The following SFTPC variants were observed in gnomAD, a reference collection of about 807,000 sequenced individuals.
SFTPC encodes BRICHOS domain containing 6.
A neutral mutation model predicts 19.9 loss-of-function variants in SFTPC; 12 were observed. That is an observed-to-expected ratio of 0.60 (90% CI 0.39 to 0.98). SFTPC has a LOEUF of 0.98. Ranked by LOEUF, SFTPC falls within the 50% of genes least tolerant of loss-of-function variation. SFTPC has a pLI of 0.00. For missense variants in SFTPC, 219 were observed against 252.2 expected, an observed-to-expected ratio of 0.87 and a Z score of 0.89; for synonymous variants, 123 against 103.3, an observed-to-expected ratio of 1.19 and a Z score of -1.16.
chr8:22,164,433 G>A lies in SFTPC; in HGVS notation c.*186G>A, dbSNP rs892113541. ...GGGCAGAGGTGGCGCCCAGGGGCCCGGGAACTCCTGCCACAACAGAATAAA... is the reference window on the plus strand; with the variant it reads ...GGGCAGAGGTGGCGCCCAGGGGCCCAGGAACTCCTGCCACAACAGAATAAA... On this transcript the variant is annotated 3_prime_UTR_variant, in exon 6 of 6. Coordinates refer to ENST00000679463, the MANE Select transcript of SFTPC (RefSeq NM_001317778.2). 13 of 1,488,892 alleles carry A rather than the reference G, an allele frequency of 8.7e-6. No individual in the cohort carries two copies. The highest frequency in any genetic ancestry group is 1.8e-4 in the Middle Eastern group (1 of 5,452). 92.2% of individuals were successfully genotyped at this position (1,488,892 alleles called of 1,614,324 possible). A position where few individuals can be genotyped will look rare whatever the true frequency, so the allele number is the denominator to read the frequency against.
At chr8:22,159,566 A>G (rs1028639669), upstream of SFTPC, 14 of 374,244 alleles carry the variant, frequency 3.7e-5, no homozygotes, top group Middle Eastern at 4.1e-4. Flanking sequence ...GTTTAAAAAA[A>G]GAAGGAGAAG....
upstream of SFTPC, chr8:22,159,791 C>G (rs781531188): frequency 7.8e-7 from 1 of 1,289,554 alleles, no homozygotes; most frequent in Non-Finnish European, 1.0e-6. Context: ...ACAGGGACCC[C>G]GAGATGCCTG....
intron 1 of SFTPC, 25 bp from the exon 2 acceptor site, chr8:22,162,549 C>G: frequency 6.2e-7 from 1 of 1,612,820 alleles, no homozygotes; most frequent in Non-Finnish European, 8.5e-7. Flanking sequence ...TCATGCCTGT[C>G]TCCTTGCCTG....
In SFTPC at chr8:22,162,688, G is replaced by A. The variant is rs200039720; in HGVS notation, c.157G>A (p.Ala53Thr). The change falls in exon 2 of 6, where the codon GCC becomes ACC. Residue 53 changes from alanine to threonine, a missense_variant. Coordinates refer to ENST00000679463, the MANE Select transcript of SFTPC (RefSeq NM_001317778.2). ...CCTCATCGTCGTGGTGATTGTGGGAGCCCTGCTCATGGGTCTCCACATGAG... is the reference window on the plus strand; with the variant it reads ...CCTCATCGTCGTGGTGATTGTGGGAACCCTGCTCATGGGTCTCCACATGAG... ...VVLIVVVIVG[A>T]LLMGLHMSQK... The A allele has an allele frequency of 1.4e-4, 231 of 1,614,108 alleles. No homozygotes were observed. Among genetic ancestry groups the A allele is most frequent in the Non-Finnish European group, 1.8e-4 (212 of 1,180,048 alleles).
intron 5 of SFTPC, 81 bp from the exon 6 acceptor site, chr8:22,164,185 G>A: frequency 6.5e-7 from 1 of 1,536,500 alleles, no homozygotes; most frequent in Non-Finnish European, 8.7e-7. Context: ...CAGGCAACTC[G>A]GGGGAGGGGA....
chr8:22,163,397 G>C, intron 3 of SFTPC, 39 bp from the exon 4 acceptor site: 10 of 1,574,490 alleles, frequency 6.4e-6, no homozygotes, highest in Non-Finnish European at 8.7e-6. Flanking sequence ...AGAGAGCAGG[G>C]CAGGGACCCC....
At chr8:22,161,514 A>T, upstream of SFTPC, 1 of 524,474 alleles carries the variant, frequency 1.9e-6, no homozygotes, top group Non-Finnish European at 3.3e-6. Context: ...CAAGGAAGGC[A>T]GGCACGCCAG....
At position 22,163,254 on chromosome 8, in the gene SFTPC, G is replaced by A. The variant is rs931945208; in HGVS notation, c.324+52G>A. The A allele has an allele frequency of 1.9e-6, 3 of 1,613,158 alleles. No individual in the cohort carries two copies. The African/African-American group carries it at 4.0e-5, about 22-fold the overall frequency. On this transcript the variant is annotated intron_variant, in intron 3 of 5. Transcript: ENST00000679463. ...TGGGACCAATGACAAGGCTCTGCTA[G>A]AGCCACCCAGCTGGGCCACTTCATC...
chr8:22,160,304 G>A (rs1412037518), upstream of SFTPC, among the ~76,000 whole-genome samples: 3 of 152,166 alleles, frequency 2.0e-5, no homozygotes, highest in African/African-American at 7.2e-5. Context: ...CAGGGGACAG[G>A]AACTGGGGTG....
upstream of SFTPC, chr8:22,159,594 G>A (rs556085614): frequency 3.3e-5 from 13 of 392,370 alleles, no homozygotes; most frequent in African/African-American, 6.4e-5. Context: ...AGCAGCAGCC[G>A]CCACAGAGCT....
chr8:22,161,884 C>T lies in SFTPC; in HGVS notation c.42+14C>T, dbSNP rs375113623. ...GAGAGCCCGCCGGTGAGTGTGGTTG[C>T]GTGTGTGTATGTATGTGTGCGCGCG... On this transcript the variant is annotated intron_variant, in intron 1 of 5. Transcript: ENST00000679463. 58 of 1,613,230 alleles carry T rather than the reference C, an allele frequency of 3.6e-5. No homozygotes were observed. The highest frequency in any genetic ancestry group is 1.1e-4 in the African/African-American group (8 of 74,888).
chr8:22,164,132 C>G, intron 5 of SFTPC, 73 bp downstream of exon 5: 1 of 1,591,102 alleles, frequency 6.3e-7, no homozygotes, highest in Admixed American at 1.8e-5. Flanking sequence ...GAGGAGCGCT[C>G]GCGCTGACCA....
chr8:22,158,039 G>A (rs1046117036), upstream of SFTPC, among the ~76,000 whole-genome samples: 6 of 152,148 alleles, frequency 3.9e-5, no homozygotes, highest in East Asian at 1.9e-4. Context: ...TCTCTACCAC[G>A]TTAGCTCCCC....
intron 4 of SFTPC, 24 bp downstream of exon 4, chr8:22,163,570 G>A: frequency 6.6e-7 from 1 of 1,520,590 alleles, no homozygotes; most frequent in South Asian, 1.1e-5. Flanking sequence ...GGTGAAAAGA[G>A]TGGGCTGTCT....
upstream of SFTPC, among the ~76,000 whole-genome samples, chr8:22,160,876 A>G (rs1056564441): frequency 6.6e-6 from 1 of 152,224 alleles, no homozygotes; most frequent in Non-Finnish European, 1.5e-5. Context: ...AGCTGATCGT[A>G]TTTGGGTGAG....
At chr8:22,161,482 G>T (rs148549260), upstream of SFTPC, among the ~76,000 whole-genome samples, 1 of 152,282 alleles carries the variant, frequency 6.6e-6, no homozygotes, top group Non-Finnish European at 1.5e-5. Flanking sequence ...GAAAGCCACA[G>T]GGCAGCAGGG....
In SFTPC at chr8:22,161,884, C is replaced by CGT; in HGVS notation, c.42+21_42+22dup. ...GAGAGCCCGCCGGTGAGTGTGGTTG[C>CGT]GTGTGTGTATGTATGTGTGCGCGCG... is the stretch of plus-strand genomic sequence containing the variant. On this transcript the variant is annotated intron_variant, in intron 1 of 5. Coordinates refer to ENST00000679463, the MANE Select transcript of SFTPC (RefSeq NM_001317778.2). 1 of 1,613,348 alleles carries CGT rather than the reference C, an allele frequency of 6.2e-7. No individual in the cohort carries two copies. Among genetic ancestry groups the CGT allele is most frequent in the Non-Finnish European group, 8.5e-7 (1 of 1,179,560 alleles).
At chr8:22,158,726 T>C (rs1436372493), upstream of SFTPC, 2 of 152,210 alleles carry the variant, frequency 1.3e-5, no homozygotes, top group Admixed American at 1.3e-4. Context: ...AACATACTAA[T>C]GCCTAACAAA....
At chr8:22,159,835 C>T, upstream of SFTPC, 1 of 1,289,490 alleles carries the variant, frequency 7.8e-7, no homozygotes, top group Non-Finnish European at 1.0e-6. Context: ...CAGCTGCCCA[C>T]CTGGCTCAGG....
Sources: gnomAD v4.1 joint callset for allele counts (sites outside exome capture counted in the v4.1 genomes callset) on GRCh38, gnomAD v4.1.1 for gene constraint, MANE v1.5 for transcripts, NCBI Gene and HGNC (gene_info 2026-07-23, HGNC 2026-07-21) for gene names.